Variants in SHANK2 observed in about 807,000 individuals in gnomAD.
SHANK2 encodes SH3 and multiple ankyrin repeat domains 2.
A neutral mutation model predicts 133.7 loss-of-function variants in SHANK2; 43 were observed. That is an observed-to-expected ratio of 0.32 (90% CI 0.25 to 0.41). SHANK2 has a LOEUF of 0.41. SHANK2 is among the 10% of genes least tolerant of loss of function. The pLI, the probability that SHANK2 is intolerant of heterozygous loss-of-function variation, is 1.00. For synonymous variants in SHANK2, 1,017 were observed against 952.8 expected (o/e 1.07, Z -1.24); for missense variants, 1,994 against 2,235.8 (o/e 0.89, Z 2.18).
rs540735943 is a variant in SHANK2, at chr11:70,560,161, C to T, written c.2062-57230G>A. 3.3e-5 allele frequency among the ~76,000 whole-genome samples: 5 copies of T among 152,266 alleles called. No homozygotes were observed. In the South Asian group the frequency reaches 8.3e-4, roughly 25 times the overall value. The stretch of plus-strand genomic sequence containing the variant: ...TGCTTGGATTACAGGCGTGAGCCAC[C>T]GTGCTCGGCTTGGGGTTGTATTTCA... On this transcript the variant is annotated intron_variant, in intron 17 of 25. Transcript: ENST00000601538.
rs2059532420 is a variant in SHANK2, at chr11:70,535,502, C to A, written c.2062-32571G>T. Among the ~76,000 whole-genome samples the A allele has an allele frequency of 6.6e-6, 1 of 152,210 alleles. No homozygotes were observed. The highest frequency in any genetic ancestry group is 2.4e-5 in the African/African-American group (1 of 41,434). ...TCCATCCATCCATCCATCCGTCCGT[C>A]CGTCCATCTATTCATCCATTCACCA... On this transcript the variant is annotated intron_variant, in intron 17 of 25. Transcript: ENST00000601538. The surrounding 1 kb of genome is among the most constrained non-coding windows in gnomAD (Gnocchi z 4.3).
chr11:70,913,158 G>T (rs541012458), intron 10 of SHANK2, among the ~76,000 whole-genome samples: 3 of 151,362 alleles, frequency 2.0e-5, no homozygotes, highest in African/African-American at 4.8e-5. Context: ...TTCAGGTTAG[G>T]TCATGTCGTT....
At chr11:71,164,645 G>T (rs782153151) in intron 2 of SHANK2, among the ~76,000 whole-genome samples, 31 of 152,330 alleles carry the variant, frequency 2.0e-4, no homozygotes, top group Middle Eastern at 6.8e-3. Context: ...TCTATGGAGC[G>T]ATGAAATGTC....
In SHANK2 at chr11:70,735,191, GAGAGGCGGCGGGGACTGAGGAC is replaced by G. The variant is rs1271631344; in HGVS notation, c.1778-36450_1778-36429del. On this transcript the variant is annotated intron_variant, in intron 14 of 25. Coordinates refer to ENST00000601538, the MANE Select transcript of SHANK2 (RefSeq NM_012309.5). Reference sequence around the variant, plus strand: ...GTGTTCAAGGGACTATCTTCCCCAAGAGAGGCGGCGGGGACTGAGGACAGAGGCGCACCTTGTGAGTGTTCTG... The same window carrying G: ...GTGTTCAAGGGACTATCTTCCCCAAGAGAGGCGCACCTTGTGAGTGTTCTG... Among the ~76,000 whole-genome samples, 11 of 152,352 alleles carry G rather than the reference GAGAGGCGGCGGGGACTGAGGAC, an allele frequency of 7.2e-5. No individual in the cohort carries two copies. The South Asian group carries it at 8.3e-4, about 11-fold the overall frequency.
intron 1 of SHANK2, among the ~76,000 whole-genome samples, chr11:71,245,660 C>T (rs1954951233): frequency 1.3e-5 from 2 of 152,216 alleles, no homozygotes; most frequent in African/African-American, 2.4e-5. Context: ...AGCTGGGCCA[C>T]ACGACCTTCG....
At chr11:70,566,785 C>A (rs1565135936) in intron 17 of SHANK2, among the ~76,000 whole-genome samples, 2 of 152,196 alleles carry the variant, frequency 1.3e-5, no homozygotes, top group Admixed American at 6.5e-5. Flanking sequence ...CATTTAGTCT[C>A]CATCATAACC....
At chr11:70,596,121 C>G (rs1482494242) in intron 17 of SHANK2, among the ~76,000 whole-genome samples, 1 of 152,246 alleles carries the variant, frequency 6.6e-6, no homozygotes, top group Admixed American at 6.5e-5. Flanking sequence ...ATTCTGGCCT[C>G]TAGAGCTGCA....
rs868918394 is a variant in SHANK2, at chr11:70,538,194, G to C, written c.2062-35263C>G. Among the ~76,000 whole-genome samples the C allele has an allele frequency of 2.0e-5, 3 of 152,302 alleles. No homozygotes were observed. In the South Asian group the frequency reaches 6.2e-4, roughly 32 times the overall value. ...GCCAGAAAGCTGAGTCACCCCACCCGGGGGCTCCTGCAGCCCTGCCTGTGG... is the reference window on the plus strand; with the variant it reads ...GCCAGAAAGCTGAGTCACCCCACCCCGGGGCTCCTGCAGCCCTGCCTGTGG... On this transcript the variant is annotated intron_variant, in intron 17 of 25. Transcript: ENST00000601538.
rs115807459 is a variant in SHANK2 at position 70,503,654 on chromosome 11, C to T, written c.2062-723G>A. On this transcript the variant is annotated intron_variant, in intron 17 of 25. Coordinates refer to ENST00000601538, the MANE Select transcript of SHANK2 (RefSeq NM_012309.5). Reference sequence around the variant, plus strand: ...CTGCAGTTGAGGAACTCTTAGGAGCCGGTTACCTCCTGCCCTATTTGTCCT... The same window carrying T: ...CTGCAGTTGAGGAACTCTTAGGAGCTGGTTACCTCCTGCCCTATTTGTCCT... 7.4e-3 allele frequency among the ~76,000 whole-genome samples: 1,121 copies of T among 152,324 alleles called. 12 individuals are homozygous for T. The highest frequency in any genetic ancestry group is 0.025 in the African/African-American group (1,036 of 41,566).
intron 17 of SHANK2, among the ~76,000 whole-genome samples, chr11:70,518,615 G>A (rs2059294099): frequency 2.6e-5 from 4 of 152,154 alleles, no homozygotes; most frequent in Admixed American, 2.0e-4. Context: ...ATTGCATCCT[G>A]CGGCATTGCT....
At chr11:70,863,679 G>A (rs1949300302) in intron 11 of SHANK2, 2 of 421,760 alleles carry the variant, frequency 4.7e-6, no homozygotes, top group Admixed American at 2.5e-5. Context: ...TGGGGGTATG[G>A]GGAAGAGGCA....
At chr11:70,852,168 G>A (rs569646790) in intron 11 of SHANK2, among the ~76,000 whole-genome samples, 3 of 152,190 alleles carry the variant, frequency 2.0e-5, no homozygotes, top group Admixed American at 1.3e-4. Flanking sequence ...CATGACACAC[G>A]GCCCACCTGT....
At chr11:70,806,515 C>G (rs1039141047) in intron 13 of SHANK2, among the ~76,000 whole-genome samples, 2 of 152,228 alleles carry the variant, frequency 1.3e-5, no homozygotes, top group Non-Finnish European at 2.9e-5. Context: ...ATGGCCCCCC[C>G]AGAGGCTTCT....
At chr11:70,655,975 C>A (rs79056970) in intron 17 of SHANK2, among the ~76,000 whole-genome samples, 4,877 of 152,254 alleles carry the variant, frequency 0.032, 262 homozygotes, top group African/African-American at 0.11. Context: ...GACGCCCAGC[C>A]AGGTTTCACT....
intron 11 of SHANK2, among the ~76,000 whole-genome samples, chr11:70,823,721 A>G (rs1259793411): frequency 1.4e-5 from 2 of 147,190 alleles, no homozygotes; most frequent in Non-Finnish European, 3.0e-5. Context: ...TGGTGTTAGT[A>G]GAGCTCATGA....
At chr11:70,544,634 G>A (rs1488914008) in intron 17 of SHANK2, among the ~76,000 whole-genome samples, 8 of 152,334 alleles carry the variant, frequency 5.3e-5, no homozygotes, top group African/African-American at 1.9e-4. Context: ...CCCTGGCCTG[G>A]ACCAGCAGAT....
intron 10 of SHANK2, chr11:70,908,046 A>C (rs1555078308): frequency 2.5e-6 from 1 of 392,338 alleles, no homozygotes. Flanking sequence ...GGTTGCAGTG[A>C]GCCGGGATCG....
Position 70,502,191 on chromosome 11 carries a change from G to A in SHANK2, c.2278+15C>T, listed in dbSNP as rs781926025. ...CATGGTGACTGTACAGGGCTGGGCC[G>A]GGTGTGCGACTTACCGAGCTCCTCC... On this transcript the variant is annotated intron_variant, in intron 19 of 25. Coordinates refer to ENST00000601538, the MANE Select transcript of SHANK2 (RefSeq NM_012309.5). The A allele has an allele frequency of 7.1e-5, 110 of 1,553,290 alleles. No individual in the cohort carries two copies. The highest frequency in any genetic ancestry group is 9.1e-5 in the Non-Finnish European group (104 of 1,147,786).
At chr11:70,843,509 G>A (rs1590748943) in intron 11 of SHANK2, among the ~76,000 whole-genome samples, 1 of 152,076 alleles carries the variant, frequency 6.6e-6, no homozygotes, top group Admixed American at 6.5e-5. Flanking sequence ...GTTAAAGGGA[G>A]GCCACTAGGG....
Sources: gnomAD v4.1 joint callset for allele counts (sites outside exome capture counted in the v4.1 genomes callset) on GRCh38, gnomAD v4.1.1 for gene constraint, Gnocchi (gnomAD v3.1) non-coding constraint, MANE v1.5 for transcripts, NCBI Gene and HGNC (gene_info 2026-07-23, HGNC 2026-07-21) for gene names.